The following NBAS variants were observed in gnomAD, a reference collection of about 807,000 sequenced individuals.
The protein encoded by NBAS is NBAS subunit of NRZ tethering complex.
NBAS carries 219 observed loss-of-function variants against 302.5 expected under a neutral mutation model. The ratio of observed to expected loss-of-function variants is 0.72; its 90% CI spans 0.65 to 0.81. The LOEUF (loss-of-function observed/expected upper bound fraction) is 0.81, where lower values mean the gene tolerates loss of function less well. Ranked by LOEUF, NBAS falls within the 30% of genes least tolerant of loss-of-function variation. The pLI is 0.00. For missense variants in NBAS, 2,932 were observed against 2,841.6 expected (o/e 1.03, Z -0.72); for synonymous variants, 1,118 against 1,021.6 (o/e 1.09, Z -1.80).
chr2:14,966,086 C>G, the NBAS span, among the ~76,000 whole-genome samples: 1 of 152,098 alleles, frequency 6.6e-6, no homozygotes, highest in Non-Finnish European at 1.5e-5. Flanking sequence ...CCCCAGAACA[C>G]CAAGGGTTGC....
intron 28 of NBAS, among the ~76,000 whole-genome samples, chr2:15,388,796 C>A (rs13425097): frequency 7.4e-4 from 113 of 151,958 alleles, no homozygotes; most frequent in African/African-American, 2.5e-3. Flanking sequence ...GGAATACTTC[C>A]CAACATTGAG....
chr2:14,888,491 C>G, the NBAS span, among the ~76,000 whole-genome samples: 9 of 152,054 alleles, frequency 5.9e-5, no homozygotes, highest in African/African-American at 1.7e-4. Context: ...TCAGACCCAT[C>G]AAATCTCATT....
chr2:15,463,571 G>T (rs1415344390), intron 19 of NBAS, among the ~76,000 whole-genome samples: 1 of 151,828 alleles, frequency 6.6e-6, no homozygotes, highest in Non-Finnish European at 1.5e-5. Flanking sequence ...AGCTTAAACT[G>T]CCTGGTTCAT....
chr2:15,164,472 T>C (rs2125090995), downstream of NBAS, among the ~76,000 whole-genome samples: 1 of 152,334 alleles, frequency 6.6e-6, no homozygotes, highest in East Asian at 1.9e-4. Context: ...GTAAGAAAAC[T>C]GAGGCTCAGA....
At chr2:15,116,683 C>T in the NBAS span, among the ~76,000 whole-genome samples, 7 of 152,298 alleles carry the variant, frequency 4.6e-5, no homozygotes, top group Non-Finnish European at 7.4e-5. Flanking sequence ...CAGCACTGTA[C>T]GGTTTTCAAA....
rs768283806 is a variant in NBAS, at chr2:15,328,292, T to A, written c.4368A>T (p.Ala1456=). ...CATTGGCTGTAGTTCCGATTTGATA[T>A]GCACCACCACATTTTTGCCCCTAAA... is the stretch of plus-strand genomic sequence containing the variant. ...RPLQGQKCGG[A]YQIGTTANED... is the part of the protein sequence containing the mutation. Residue 1456 remains alanine, a synonymous_variant, in exon 37 of 52, where the codon GCA becomes GCT. Coordinates refer to ENST00000281513, the MANE Select transcript of NBAS (RefSeq NM_015909.4). The A allele has an allele frequency of 1.2e-6, 2 of 1,613,708 alleles. No homozygotes were observed. The highest frequency in any genetic ancestry group is 2.2e-5 in the South Asian group (2 of 91,056).
intron 21 of NBAS, among the ~76,000 whole-genome samples, chr2:15,443,721 T>C (rs895304511): frequency 2.0e-5 from 3 of 150,928 alleles, no homozygotes; most frequent in East Asian, 2.0e-4. Flanking sequence ...TTGTCCCTGT[T>C]TGCAGACGAC....
intron 47 of NBAS, among the ~76,000 whole-genome samples, chr2:15,222,105 CAATGTCTGGCATAT>C (rs1666972791): frequency 6.6e-6 from 1 of 152,192 alleles, no homozygotes; most frequent in Admixed American, 6.5e-5. Context: ...GCATGTAATA[CAATGTCTGGCATAT>C]AACTAAGTGC....
At chr2:15,204,630 C>T (rs1666052805) in intron 48 of NBAS, among the ~76,000 whole-genome samples, 3 of 152,112 alleles carry the variant, frequency 2.0e-5, no homozygotes. Context: ...CAATGATAGA[C>T]TGGATTAAGA....
intron 6 of NBAS, among the ~76,000 whole-genome samples, 153 bp downstream of exon 6, chr2:15,551,340 T>TAAA (rs35998279): frequency 7.0e-5 from 10 of 143,222 alleles, no homozygotes; most frequent in African/African-American, 7.7e-5. Flanking sequence ...TTTAAGACAG[T>TAAA]AAAAAAAAAA....
chr2:15,410,874 T>C, intron 25 of NBAS, among the ~76,000 whole-genome samples: 1 of 152,162 alleles, frequency 6.6e-6, no homozygotes, highest in East Asian at 1.9e-4. Context: ...TGTCCAAGAC[T>C]TCATCCCAGT....
chr2:15,346,186 C>T (rs142145332), intron 35 of NBAS, among the ~76,000 whole-genome samples: 166 of 152,182 alleles, frequency 1.1e-3, no homozygotes, highest in African/African-American at 3.8e-3. Context: ...AGCTTCTGCA[C>T]AGCAAAAGAA....
intron 38 of NBAS, among the ~76,000 whole-genome samples, chr2:15,321,121 C>T (rs1352377683): frequency 6.6e-6 from 1 of 152,138 alleles, no homozygotes; most frequent in South Asian, 2.1e-4. Flanking sequence ...CTTTGACAAA[C>T]CTGACAAAAA....
intron 48 of NBAS, 148 bp from the exon 49 acceptor site, chr2:15,190,551 G>A: frequency 1.1e-6 from 1 of 894,998 alleles, no homozygotes; most frequent in African/African-American, 1.7e-5. Context: ...CACCTCAAAA[G>A]CTCTAAGCCT....
chr2:15,070,723 C>T, the NBAS span, among the ~76,000 whole-genome samples: 2 of 152,332 alleles, frequency 1.3e-5, no homozygotes, highest in African/African-American at 4.8e-5. Flanking sequence ...CAGGACCCCA[C>T]ACAACCATCA....
the NBAS span, among the ~76,000 whole-genome samples, chr2:15,149,092 A>C: frequency 6.6e-6 from 1 of 152,204 alleles, no homozygotes; most frequent in Non-Finnish European, 1.5e-5. Context: ...ATATGTTAGA[A>C]ACTTGCATCC....
At chr2:14,993,305 C>T in the NBAS span, among the ~76,000 whole-genome samples, 1 of 152,102 alleles carries the variant, frequency 6.6e-6, no homozygotes, top group Admixed American at 6.6e-5. Flanking sequence ...ACAATGGTCC[C>T]GTTTATTTTT....
At chr2:14,887,036 G>T in the NBAS span, among the ~76,000 whole-genome samples, 9 of 152,148 alleles carry the variant, frequency 5.9e-5, no homozygotes, top group African/African-American at 2.2e-4. Context: ...ACAGAAAAAA[G>T]AATTTGTCAT....
At chr2:15,405,236 A>C (rs1558309582) in intron 25 of NBAS, among the ~76,000 whole-genome samples, 1 of 152,214 alleles carries the variant, frequency 6.6e-6, no homozygotes, top group African/African-American at 2.4e-5. Flanking sequence ...ATAAGTCCTT[A>C]TACTACTCTC....
Sources: gnomAD v4.1 joint callset for allele counts (sites outside exome capture counted in the v4.1 genomes callset) on GRCh38, gnomAD v4.1.1 for gene constraint, MANE v1.5 for transcripts, NCBI Gene and HGNC (gene_info 2026-07-23, HGNC 2026-07-21) for gene names.